Variants in ELAVL3 observed in about 807,000 individuals in gnomAD.
ELAVL3 encodes ELAV-like protein 3.
A neutral mutation model predicts 34.2 loss-of-function variants in ELAVL3; 8 were observed. The ratio of observed to expected loss-of-function variants is 0.23; its 90% CI spans 0.14 to 0.42. The LOEUF is 0.42. ELAVL3 is among the 10% of genes least tolerant of loss of function. The pLI is 1.00. For missense variants in ELAVL3, 273 were observed against 518.8 expected (o/e 0.53, Z 4.60); for synonymous variants, 209 against 222.1 (o/e 0.94, Z 0.53).
At position 11,470,557 on chromosome 19, in the gene ELAVL3, A is replaced by G. The variant is rs529654473; in HGVS notation, c.10-3730T>C. Among the ~76,000 whole-genome samples, 862 of 151,574 alleles carry G rather than the reference A, an allele frequency of 5.7e-3. 2 individuals are homozygous for G. The highest frequency in any genetic ancestry group is 9.6e-3 in the Non-Finnish European group (653 of 67,922). On this transcript the variant is annotated intron_variant, in intron 1 of 6. Coordinates refer to ENST00000359227, the MANE Select transcript of ELAVL3 (RefSeq NM_001420.4). ...CCGGGCGTGGTGGCGCATGTCTGTA[A>G]TCCCAGCTACTCAGGAGGCTGAGGC...
chr19:11,466,563 T>G lies in ELAVL3; in HGVS notation c.229+45A>C. The stretch of plus-strand genomic sequence containing the variant: ...CCTGCCCCCATCACCTCTGTATTTC[T>G]GAGGCTACCACCTCTGTTCCTCCCC... On this transcript the variant is annotated intron_variant, in intron 2 of 6. Coordinates refer to ENST00000359227, the MANE Select transcript of ELAVL3 (RefSeq NM_001420.4). The surrounding 1 kb of genome is among the most constrained non-coding windows in gnomAD (Gnocchi z 5.0). The G allele has an allele frequency of 6.2e-7, 1 of 1,602,712 alleles. No individual in the cohort carries two copies. The highest frequency in any genetic ancestry group is 8.5e-7 in the Non-Finnish European group (1 of 1,172,582).
At chr19:11,457,443 T>C (rs899660050) in intron 5 of ELAVL3, among the ~76,000 whole-genome samples, 2 of 152,172 alleles carry the variant, frequency 1.3e-5, no homozygotes, top group Non-Finnish European at 2.9e-5. Context: ...TGGGGAAAGA[T>C]AACTCCTAAC....
intron 1 of ELAVL3, among the ~76,000 whole-genome samples, chr19:11,468,206 G>A (rs185727921): frequency 1.3e-5 from 2 of 152,198 alleles, no homozygotes; most frequent in African/African-American, 4.8e-5. Flanking sequence ...TCATGCATAA[G>A]TTTCTTACTA....
intron 3 of ELAVL3, among the ~76,000 whole-genome samples, chr19:11,465,966 C>T (rs1047836174): frequency 1.3e-5 from 2 of 152,168 alleles, no homozygotes; most frequent in African/African-American, 4.8e-5. Context: ...TCCCCATTGA[C>T]AGGTGAGGAA....
intron 1 of ELAVL3, among the ~76,000 whole-genome samples, chr19:11,469,295 G>T (rs79402109): frequency 9.2e-5 from 14 of 151,598 alleles, no homozygotes; most frequent in African/African-American, 2.9e-4. Flanking sequence ...TTGCGCGGGA[G>T]GGGGGACGGA....
intron 1 of ELAVL3, among the ~76,000 whole-genome samples, chr19:11,473,702 T>A (rs1971210818): frequency 6.6e-6 from 1 of 152,192 alleles, no homozygotes; most frequent in South Asian, 2.1e-4. Flanking sequence ...TTGCCAAAGA[T>A]CATGCAGCAT....
intron 3 of ELAVL3, among the ~76,000 whole-genome samples, chr19:11,459,666 G>C (rs1453974932): frequency 6.6e-6 from 1 of 151,940 alleles, no homozygotes; most frequent in Non-Finnish European, 1.5e-5. Context: ...TCCCATCTCG[G>C]CCTCCCAAAA....
rs778677856 is a variant in ELAVL3 at position 11,477,300 on chromosome 19, G to A, written c.9+3300C>T. ...GTTTTGTGGGGTTTTTCTTTTCCTT[G>A]TTTATTTTTGAGACAGGGTCTTGCT... On this transcript the variant is annotated intron_variant, in intron 1 of 6. Transcript: ENST00000359227. Among the ~76,000 whole-genome samples the A allele has an allele frequency of 3.0e-4, 45 of 152,056 alleles. 1 individual carries two copies. The highest frequency in any genetic ancestry group is 5.9e-5 in the Non-Finnish European group (4 of 68,010).
At chr19:11,465,035 C>A (rs1410081509) in intron 3 of ELAVL3, among the ~76,000 whole-genome samples, 1 of 135,482 alleles carries the variant, frequency 7.4e-6, no homozygotes, top group African/African-American at 2.8e-5. Context: ...ACACCACACA[C>A]ACACCACACA....
At chr19:11,462,174 C>CAAAAAAAAAAAAAA (rs775716481) in intron 3 of ELAVL3, among the ~76,000 whole-genome samples, 1 of 73,740 alleles carries the variant, frequency 1.4e-5, no homozygotes, top group Non-Finnish European at 2.9e-5. Flanking sequence ...GACTCCGTCT[C>CAAAAAAAAAAAAAA]AAAAAAAAAA....
chr19:11,468,290 T>C (rs1380702907), intron 1 of ELAVL3, among the ~76,000 whole-genome samples: 4 of 152,252 alleles, frequency 2.6e-5, no homozygotes, highest in Non-Finnish European at 4.4e-5. Flanking sequence ...TTTGCTTTTA[T>C]TGTATAACAT....
At chr19:11,459,736 G>T (rs1970845299) in intron 3 of ELAVL3, among the ~76,000 whole-genome samples, 1 of 151,998 alleles carries the variant, frequency 6.6e-6, no homozygotes, top group South Asian at 2.1e-4. Flanking sequence ...TTGAAAGACG[G>T]AGTCTTGCTG....
At chr19:11,472,252 A>T (rs188778169) in intron 1 of ELAVL3, among the ~76,000 whole-genome samples, 4 of 152,346 alleles carry the variant, frequency 2.6e-5, no homozygotes, top group Admixed American at 2.6e-4. Context: ...AAGCTGAGGC[A>T]GGAGAAGTGC....
intron 3 of ELAVL3, among the ~76,000 whole-genome samples, chr19:11,464,333 A>AT (rs78298355): frequency 0.012 from 1,790 of 144,332 alleles, 11 homozygotes; most frequent in Non-Finnish European, 0.021. Context: ...GCTAATTTAA[A>AT]TTTTTTTTTT....
chr19:11,455,299 ATT>A (rs566267500), intron 6 of ELAVL3, among the ~76,000 whole-genome samples: 17 of 122,994 alleles, frequency 1.4e-4, no homozygotes, highest in African/African-American at 3.3e-4. Context: ...TGCCCCACTA[ATT>A]TTTTTTTTTT....
At chr19:11,462,132 G>T (rs188503658) in intron 3 of ELAVL3, among the ~76,000 whole-genome samples, 389 of 134,708 alleles carry the variant, frequency 2.9e-3, no homozygotes, top group African/African-American at 0.011. Context: ...CCGAGATCGC[G>T]CCACTGCACT....
At chr19:11,463,338 A>G (rs907971540) in intron 3 of ELAVL3, among the ~76,000 whole-genome samples, 2 of 152,258 alleles carry the variant, frequency 1.3e-5, no homozygotes, top group Admixed American at 6.5e-5. Context: ...ACACAGGCAA[A>G]AACACCCAGG....
chr19:11,463,210 A>G (rs1258478276), intron 3 of ELAVL3, among the ~76,000 whole-genome samples: 1 of 152,090 alleles, frequency 6.6e-6, no homozygotes. Flanking sequence ...AAGGGCAAGG[A>G]TGGACCAAAC....
At chr19:11,467,128 G>A (rs973768124) in intron 1 of ELAVL3, among the ~76,000 whole-genome samples, 3 of 152,092 alleles carry the variant, frequency 2.0e-5, no homozygotes, top group East Asian at 3.9e-4. Flanking sequence ...CTTTCACACC[G>A]GAAACGCTTT....
Sources: gnomAD v4.1 joint callset for allele counts (sites outside exome capture counted in the v4.1 genomes callset) on GRCh38, gnomAD v4.1.1 for gene constraint, Gnocchi (gnomAD v3.1) non-coding constraint, MANE v1.5 for transcripts, NCBI Gene and HGNC (gene_info 2026-07-23, HGNC 2026-07-21) for gene names.